The following ACOT7 variants were observed in gnomAD, a reference collection of about 807,000 sequenced individuals.
The protein encoded by ACOT7 is cytosolic acyl coenzyme A thioester hydrolase.
ACOT7 carries 12 observed loss-of-function variants against 40.2 expected under a neutral mutation model. The observed-to-expected ratio is 0.30, with a 90% CI of 0.19 to 0.48. The LOEUF (loss-of-function observed/expected upper bound fraction) is 0.48. Among genes scored for constraint, ACOT7 ranks in the 20% least tolerant of loss-of-function variants. The pLI is 0.99. For synonymous variants in ACOT7, 228 were observed against 219.5 expected (o/e 1.04, Z -0.34); for missense variants, 395 against 530.8 (o/e 0.74, Z 2.51).
In ACOT7 at chr1:6,314,317, G is replaced by A. The variant is rs181833209; in HGVS notation, c.712+4175C>T. On this transcript the variant is annotated intron_variant, in intron 6 of 8. Coordinates refer to ENST00000361521, the MANE Select transcript of ACOT7 (RefSeq NM_007274.4). Reference sequence around the variant, plus strand: ...TGAATCAGAAACAGGAGCTACCCCTGCAGGAGCGATGGGAGGAAGAGAGAC... The same window carrying A: ...TGAATCAGAAACAGGAGCTACCCCTACAGGAGCGATGGGAGGAAGAGAGAC... Among the ~76,000 whole-genome samples, 6 of 152,226 alleles carry A rather than the reference G, an allele frequency of 3.9e-5. No individual in the cohort carries two copies. In the East Asian group the frequency reaches 9.6e-4, roughly 24 times the overall value.
rs544038370 is a variant in ACOT7, at chr1:6,275,609, C to T, written c.1014+5493G>A. ...GCATGCGCCTGTAATCCCAGCTACT[C>T]GGGAGGCTGAGGCAGGAGAATCGTT... On this transcript the variant is annotated intron_variant, in intron 8 of 8. Coordinates refer to ENST00000361521, the MANE Select transcript of ACOT7 (RefSeq NM_007274.4). This position sits in a 1 kb window ranked among gnomAD's most constrained non-coding sequence, Gnocchi z 5.6. Among the ~76,000 whole-genome samples, 1 of 149,542 alleles carries T rather than the reference C, an allele frequency of 6.7e-6. No homozygotes were observed. Among genetic ancestry groups the T allele is most frequent in the South Asian group, 2.1e-4 (1 of 4,694 alleles).
At chr1:6,370,889 C>A (rs1162289238) in intron 1 of ACOT7, among the ~76,000 whole-genome samples, 1 of 152,032 alleles carries the variant, frequency 6.6e-6, no homozygotes, top group Admixed American at 6.6e-5. Context: ...CGGCTCACTG[C>A]AACCTCTGCC....
rs562677997 is a variant in ACOT7, at chr1:6,297,180, G to A, written c.713-2200C>T. ...CCGCCTCCTAGTAGCTGGGATTACA[G>A]ATGTGTACCACCACACCCAACTAAT... On this transcript the variant is annotated intron_variant, in intron 6 of 8. Transcript: ENST00000361521. Among the ~76,000 whole-genome samples the A allele has an allele frequency of 2.6e-5, 4 of 152,192 alleles. No homozygotes were observed. The East Asian group carries it at 7.7e-4, about 29-fold the overall frequency.
At chr1:6,386,540 C>G (rs1642444107) in intron 1 of ACOT7, among the ~76,000 whole-genome samples, 1 of 152,120 alleles carries the variant, frequency 6.6e-6, no homozygotes, top group Non-Finnish European at 1.5e-5. Context: ...TGCATTTCCT[C>G]TCAAAGATAA....
intron 7 of ACOT7, among the ~76,000 whole-genome samples, chr1:6,284,948 G>T (rs1435337750): frequency 6.6e-6 from 1 of 152,210 alleles, no homozygotes; most frequent in Non-Finnish European, 1.5e-5. Context: ...CCAGAGAGCT[G>T]CCCAGGGCGG....
chr1:6,335,723 G>A (rs182052803), intron 3 of ACOT7, among the ~76,000 whole-genome samples: 252 of 152,296 alleles, frequency 1.7e-3, no homozygotes, highest in African/African-American at 6.1e-3. Context: ...GCCCCAGGGG[G>A]CCCATTAAGA....
At chr1:6,384,426 C>T (rs1408857989) in intron 1 of ACOT7, among the ~76,000 whole-genome samples, 1 of 151,830 alleles carries the variant, frequency 6.6e-6, no homozygotes, top group African/African-American at 2.4e-5. Flanking sequence ...TGAAATGGTG[C>T]AGCCACTTTG....
At chr1:6,281,516 T>G (rs1477402211) in intron 7 of ACOT7, among the ~76,000 whole-genome samples, 1 of 152,232 alleles carries the variant, frequency 6.6e-6, no homozygotes, top group African/African-American at 2.4e-5. Flanking sequence ...CTGAAGGATT[T>G]TGGTGGCCAT....
At chr1:6,305,815 C>T (rs1254239672) in intron 6 of ACOT7, among the ~76,000 whole-genome samples, 3 of 152,296 alleles carry the variant, frequency 2.0e-5, no homozygotes, top group African/African-American at 7.2e-5. Flanking sequence ...GCAATCTCGG[C>T]ACTTTGGGGG....
At chr1:6,331,182 C>G (rs1161215399) in intron 4 of ACOT7, among the ~76,000 whole-genome samples, 5 of 152,198 alleles carry the variant, frequency 3.3e-5, no homozygotes, top group Admixed American at 2.6e-4. Context: ...GGTTGTTGAA[C>G]CGAGGGCTGG....
intron 7 of ACOT7, among the ~76,000 whole-genome samples, chr1:6,284,347 C>T (rs1639438293): frequency 1.3e-5 from 2 of 152,108 alleles, no homozygotes; most frequent in South Asian, 2.1e-4. Context: ...GAGGCCGAGG[C>T]GGGCTCATCA....
In ACOT7 at chr1:6,359,043, G is replaced by C; in HGVS notation, c.144-9177C>G. 1.3e-6 allele frequency: 1 copy of C among 752,070 alleles called. No individual in the cohort carries two copies. The highest frequency in any genetic ancestry group is 2.0e-6 in the Non-Finnish European group (1 of 494,662). The allele number at this position is 752,070 out of a possible 1,614,324, so 46.6% of individuals were successfully genotyped here. On this transcript the variant is annotated intron_variant, in intron 1 of 8. Transcript: ENST00000361521. The surrounding 1 kb of genome is among the most constrained non-coding windows in gnomAD (Gnocchi z 4.1). ...CCTCGCCAATCCAGAGCGTCTACCA[G>C]AAACCGGTCGTCATGGAAACCTTGC...
intron 6 of ACOT7, among the ~76,000 whole-genome samples, chr1:6,296,491 T>G (rs1195249213): frequency 1.3e-5 from 2 of 152,046 alleles, no homozygotes; most frequent in African/African-American, 4.8e-5. Context: ...TGGCGCGATC[T>G]CCGCTCACCG....
At chr1:6,349,674 C>T in intron 2 of ACOT7, 75 bp downstream of exon 2, 1 of 1,428,320 alleles carries the variant, frequency 7.0e-7, no homozygotes, top group South Asian at 1.2e-5. Flanking sequence ...AGGCCTGGCT[C>T]CCCGGGGAAC....
intron 6 of ACOT7, among the ~76,000 whole-genome samples, chr1:6,296,857 G>A (rs546563012): frequency 2.0e-5 from 3 of 152,090 alleles, no homozygotes; most frequent in Non-Finnish European, 4.4e-5. Context: ...CAGGAGTAAA[G>A]TAGGCCACCG....
At chr1:6,321,075 T>C (rs1286090612) in intron 5 of ACOT7, among the ~76,000 whole-genome samples, 1 of 152,144 alleles carries the variant, frequency 6.6e-6, no homozygotes, top group Non-Finnish European at 1.5e-5. Context: ...GCTATGGCCA[T>C]GGGGAAGGGT....
In ACOT7 at chr1:6,306,128, A is replaced by G. The variant is rs1334913067; in HGVS notation, c.713-11148T>C. 2 of 611,072 alleles carry G rather than the reference A, an allele frequency of 3.3e-6. No homozygotes were observed. Among genetic ancestry groups the G allele is most frequent in the African/African-American group, 4.2e-5 (2 of 47,864 alleles). 37.9% of individuals were successfully genotyped at this position (611,072 alleles called of 1,614,324 possible). On this transcript the variant is annotated intron_variant, in intron 6 of 8. Transcript: ENST00000361521. This position sits in a 1 kb window ranked among gnomAD's most constrained non-coding sequence, Gnocchi z 4.3. Reference sequence around the variant, plus strand: ...CAGGCAGGGAGGTTGCAGTGAGCCAAGATGGCAGCAGCACAGTCCAGCTTC... The same window carrying G: ...CAGGCAGGGAGGTTGCAGTGAGCCAGGATGGCAGCAGCACAGTCCAGCTTC...
chr1:6,282,694 G>A lies in ACOT7; in HGVS notation c.830-1408C>T, dbSNP rs1022506628. Reference sequence around the variant, plus strand: ...ATTCCATGTTAAAAAGTATCAGAACGATCCATGCTACATTCAACTTCATAC... The same window carrying A: ...ATTCCATGTTAAAAAGTATCAGAACAATCCATGCTACATTCAACTTCATAC... On this transcript the variant is annotated intron_variant, in intron 7 of 8. Coordinates refer to ENST00000361521, the MANE Select transcript of ACOT7 (RefSeq NM_007274.4). The surrounding 1 kb of genome is among the most constrained non-coding windows in gnomAD (Gnocchi z 4.5). 6.4e-5 allele frequency: 83 copies of A among 1,297,530 alleles called. No individual in the cohort carries two copies. The highest frequency in any genetic ancestry group is 1.7e-4 in the African/African-American group (11 of 65,734). 80.4% of individuals were successfully genotyped at this position (1,297,530 alleles called of 1,614,324 possible).
In ACOT7 at chr1:6,302,194, G is replaced by T. The variant is rs57655994; in HGVS notation, c.713-7214C>A. Reference sequence around the variant, plus strand: ...AGACAAGGAGGTCTTTCAAGACCTGGGCTGGCCTCATGGACACTGGCCAGG... The same window carrying T: ...AGACAAGGAGGTCTTTCAAGACCTGTGCTGGCCTCATGGACACTGGCCAGG... On this transcript the variant is annotated intron_variant, in intron 6 of 8. Transcript: ENST00000361521. Among the ~76,000 whole-genome samples, 1,217 of 152,214 alleles carry T rather than the reference G, an allele frequency of 8.0e-3. 16 individuals are homozygous for T. Among genetic ancestry groups the T allele is most frequent in the African/African-American group, 0.028 (1,155 of 41,530 alleles).
Sources: allele counts gnomAD v4.1 joint callset (sites outside exome capture counted in the v4.1 genomes callset), GRCh38; gene constraint gnomAD v4.1.1; non-coding constraint Gnocchi (gnomAD v3.1); transcripts MANE v1.5; gene names NCBI Gene and HGNC (gene_info 2026-07-23, HGNC 2026-07-21).